The following RALGAPA2 variants were observed in gnomAD, a reference collection of about 807,000 sequenced individuals.
The protein encoded by RALGAPA2 is Ral GTPase activating protein catalytic subunit alpha 2.
A neutral mutation model predicts 230.4 loss-of-function variants in RALGAPA2; 139 were observed. The ratio of observed to expected loss-of-function variants is 0.60; its 90% CI spans 0.53 to 0.69. The LOEUF is 0.69. RALGAPA2 is among the 30% of genes least tolerant of loss of function. The pLI is 0.00. For synonymous variants in RALGAPA2, 847 were observed against 837.8 expected (o/e 1.01, Z -0.19); for missense variants, 2,163 against 2,276.0 (o/e 0.95, Z 1.01).
chr20:20,640,893 A>G lies in RALGAPA2; in HGVS notation c.373-15T>C, dbSNP rs2067009766. On this transcript the variant is annotated splice_polypyrimidine_tract_variant and intron_variant, in intron 5 of 39. Coordinates refer to ENST00000202677, the MANE Select transcript of RALGAPA2 (RefSeq NM_020343.4). The stretch of plus-strand genomic sequence containing the variant: ...TCACATCTTATCTAAAACAAAATTA[A>G]AAACAATGAAAATGAAACACATGTA... 6.3e-7 allele frequency: 1 copy of G among 1,587,014 alleles called. No individual in the cohort carries two copies. The highest frequency in any genetic ancestry group is 1.1e-5 in the South Asian group (1 of 89,540).
At chr20:20,707,365 A>G (rs533708914) in intron 1 of RALGAPA2, among the ~76,000 whole-genome samples, 1 of 152,282 alleles carries the variant, frequency 6.6e-6, no homozygotes, top group African/African-American at 2.4e-5. Flanking sequence ...CAAGATGTTT[A>G]CTGCAGTATT....
intron 28 of RALGAPA2, 121 bp downstream of exon 28, chr20:20,526,131 G>A (rs1015497161): frequency 9.7e-5 from 76 of 786,732 alleles, no homozygotes; most frequent in Middle Eastern, 3.9e-4. Context: ...TAAAACGAGT[G>A]ACTTGTGGCA....
intron 37 of RALGAPA2, among the ~76,000 whole-genome samples, chr20:20,412,540 A>G (rs532918002): frequency 1.3e-5 from 2 of 152,284 alleles, no homozygotes; most frequent in Admixed American, 6.5e-5. Context: ...CTACTGACAT[A>G]TGAGTTGATA....
intron 23 of RALGAPA2, among the ~76,000 whole-genome samples, chr20:20,551,201 T>C (rs2063915012): frequency 6.6e-6 from 1 of 152,240 alleles, no homozygotes; most frequent in African/African-American, 2.4e-5. Flanking sequence ...AAGTTAGTTT[T>C]ATAGCAAGAA....
At chr20:20,598,969 T>C in intron 16 of RALGAPA2, 1 of 320,060 alleles carries the variant, frequency 3.1e-6, no homozygotes, top group Non-Finnish European at 6.2e-6. Flanking sequence ...AGTATAGTAT[T>C]TAATTGTAGT....
intron 16 of RALGAPA2, among the ~76,000 whole-genome samples, chr20:20,599,842 G>A (rs959503569): frequency 1.3e-5 from 2 of 151,998 alleles, no homozygotes; most frequent in South Asian, 2.1e-4. Flanking sequence ...GCATGGTGGT[G>A]CATGCCTGTA....
chr20:20,467,177 T>C (rs573253994), intron 37 of RALGAPA2, among the ~76,000 whole-genome samples: 1 of 152,330 alleles, frequency 6.6e-6, no homozygotes, highest in Non-Finnish European at 1.5e-5. Context: ...CAGGGGCCCA[T>C]ATTTCTCTCT....
intron 3 of RALGAPA2, among the ~76,000 whole-genome samples, chr20:20,657,808 G>T (rs1477979971): frequency 2.0e-5 from 3 of 152,206 alleles, no homozygotes; most frequent in African/African-American, 4.8e-5. Context: ...TATAGGAAAT[G>T]CTGAGAAAAG....
intron 38 of RALGAPA2, among the ~76,000 whole-genome samples, chr20:20,408,795 T>C (rs1246337273): frequency 6.6e-6 from 1 of 152,200 alleles, no homozygotes; most frequent in Non-Finnish European, 1.5e-5. Flanking sequence ...AACATATATA[T>C]GTTAATTGCA....
intron 37 of RALGAPA2, among the ~76,000 whole-genome samples, chr20:20,427,674 C>T (rs192982004): frequency 2.6e-4 from 39 of 152,088 alleles, no homozygotes; most frequent in Admixed American, 3.9e-4. Flanking sequence ...TGCAATTTGA[C>T]GTGAGGCACT....
intron 3 of RALGAPA2, among the ~76,000 whole-genome samples, chr20:20,657,877 G>C (rs752420952): frequency 3.9e-5 from 6 of 152,168 alleles, no homozygotes; most frequent in Non-Finnish European, 8.8e-5. Flanking sequence ...CTGTTCTTCA[G>C]GTCTTTAATT....
intron 38 of RALGAPA2, among the ~76,000 whole-genome samples, chr20:20,411,752 C>G: frequency 6.6e-6 from 1 of 152,224 alleles, no homozygotes; most frequent in Non-Finnish European, 1.5e-5. Flanking sequence ...GAAACCCACA[C>G]TCCTGAATGA....
chr20:20,597,742 G>A (rs2065502398), intron 16 of RALGAPA2, among the ~76,000 whole-genome samples: 1 of 152,106 alleles, frequency 6.6e-6, no homozygotes, highest in Non-Finnish European at 1.5e-5. Context: ...GGGAGGCTGA[G>A]GCAGGAGAAC....
intron 36 of RALGAPA2, among the ~76,000 whole-genome samples, chr20:20,487,662 A>C (rs945387839): frequency 9.9e-5 from 15 of 152,094 alleles, no homozygotes; most frequent in Admixed American, 6.5e-5. Flanking sequence ...TAATATCAGC[A>C]CTTTGGGAGG....
At chr20:20,666,175 C>G (rs182312965) in intron 3 of RALGAPA2, among the ~76,000 whole-genome samples, 5 of 152,212 alleles carry the variant, frequency 3.3e-5, no homozygotes, top group Admixed American at 2.6e-4. Context: ...ACTTTGCCAA[C>G]TGGAACTCAG....
chr20:20,407,725 G>A (rs554043096), intron 38 of RALGAPA2, among the ~76,000 whole-genome samples: 2 of 152,338 alleles, frequency 1.3e-5, no homozygotes, highest in South Asian at 2.1e-4. Flanking sequence ...CATAACGACT[G>A]TGTTGTAGAA....
intron 4 of RALGAPA2, among the ~76,000 whole-genome samples, chr20:20,648,670 G>A (rs966969137): frequency 2.6e-5 from 4 of 152,016 alleles, no homozygotes; most frequent in Non-Finnish European, 4.4e-5. Flanking sequence ...TGCGGTGGGG[G>A]TTGATGGGTA....
At chr20:20,596,644 G>C (rs2065463781) in intron 16 of RALGAPA2, among the ~76,000 whole-genome samples, 1 of 152,184 alleles carries the variant, frequency 6.6e-6, no homozygotes, top group Non-Finnish European at 1.5e-5. Context: ...ATCATAGTTG[G>C]AATGTCAGGT....
intron 23 of RALGAPA2, among the ~76,000 whole-genome samples, chr20:20,554,605 C>T (rs1248674205): frequency 1.3e-5 from 2 of 151,932 alleles, no homozygotes; most frequent in African/African-American, 2.4e-5. Flanking sequence ...AGTTATAAGA[C>T]TTCTTTAATT....
Sources: gnomAD v4.1 joint callset for allele counts (sites outside exome capture counted in the v4.1 genomes callset) on GRCh38, gnomAD v4.1.1 for gene constraint, MANE v1.5 for transcripts, NCBI Gene and HGNC (gene_info 2026-07-23, HGNC 2026-07-21) for gene names.